Variants in PPARGC1A observed in about 807,000 individuals in gnomAD.
PPARGC1A encodes the protein peroxisome proliferator-activated receptor gamma coactivator 1-alpha.
PPARGC1A carries 25 observed loss-of-function variants against 88.7 expected under a neutral mutation model. The ratio of observed to expected loss-of-function variants is 0.28; its 90% CI spans 0.21 to 0.39. PPARGC1A has a LOEUF of 0.39. PPARGC1A is among the 10% of genes least tolerant of loss of function. The probability of loss-of-function intolerance (pLI) is 1.00; values close to 1 mark genes in which losing one functional copy is unlikely to be tolerated. For synonymous variants in PPARGC1A, 363 were observed against 355.6 expected (o/e 1.02, Z -0.24); for missense variants, 880 against 968.7 (o/e 0.91, Z 1.22).
the PPARGC1A span, among the ~76,000 whole-genome samples, chr4:24,450,742 C>T: frequency 6.6e-6 from 1 of 152,122 alleles, no homozygotes; most frequent in Admixed American, 6.5e-5. Context: ...GGGCCAGATG[C>T]CTACAGACAT....
chr4:24,182,800 A>G, the PPARGC1A span, among the ~76,000 whole-genome samples: 1 of 152,180 alleles, frequency 6.6e-6, no homozygotes, highest in Non-Finnish European at 1.5e-5. Flanking sequence ...AAATCTAGAA[A>G]CCAAGTCACC....
At chr4:24,195,551 A>C in the PPARGC1A span, among the ~76,000 whole-genome samples, 1 of 152,216 alleles carries the variant, frequency 6.6e-6, no homozygotes, top group Admixed American at 6.5e-5. Context: ...AAATACTCGG[A>C]CCAGATTTGC....
the PPARGC1A span, among the ~76,000 whole-genome samples, chr4:24,058,624 G>A: frequency 6.6e-6 from 1 of 152,156 alleles, no homozygotes; most frequent in Non-Finnish European, 1.5e-5. Flanking sequence ...AGTGAAAAAC[G>A]TGGCTGAGAG....
At chr4:23,812,904 C>A in intron 9 of PPARGC1A, 37 bp from the exon 10 acceptor site, 1 of 1,613,826 alleles carries the variant, frequency 6.2e-7, no homozygotes. Flanking sequence ...TCAACCACCT[C>A]AATTTTCATG....
the PPARGC1A span, among the ~76,000 whole-genome samples, chr4:24,152,085 A>G: frequency 6.6e-6 from 1 of 152,192 alleles, no homozygotes; most frequent in Admixed American, 6.5e-5. Context: ...AAATTCCCCC[A>G]TGGGATCTGG....
the PPARGC1A span, among the ~76,000 whole-genome samples, chr4:24,348,156 G>A: frequency 1.3e-5 from 2 of 152,200 alleles, no homozygotes; most frequent in Non-Finnish European, 2.9e-5. Flanking sequence ...TAGCTTGTAA[G>A]GTTTCTGCTG....
At chr4:24,329,007 A>G in the PPARGC1A span, among the ~76,000 whole-genome samples, 1 of 152,226 alleles carries the variant, frequency 6.6e-6, no homozygotes, top group South Asian at 2.1e-4. Flanking sequence ...AGAGCTTAGC[A>G]GGCACAGCTG....
the PPARGC1A span, among the ~76,000 whole-genome samples, chr4:24,083,518 C>T: frequency 6.6e-6 from 1 of 152,106 alleles, no homozygotes; most frequent in Admixed American, 6.6e-5. Flanking sequence ...ACTTTTATAC[C>T]ATCTTTGCCA....
At chr4:23,983,509 A>G in the PPARGC1A span, among the ~76,000 whole-genome samples, 1 of 152,158 alleles carries the variant, frequency 6.6e-6, no homozygotes, top group African/African-American at 2.4e-5. Context: ...AGTAAGAAAA[A>G]CAGCATCCAC....
chr4:24,463,802 C>T, the PPARGC1A span, among the ~76,000 whole-genome samples: 1 of 152,174 alleles, frequency 6.6e-6, no homozygotes, highest in African/African-American at 2.4e-5. Context: ...AAGTCAATTC[C>T]TGCTGAAATA....
the PPARGC1A span, among the ~76,000 whole-genome samples, chr4:24,164,143 T>C: frequency 6.6e-6 from 1 of 152,218 alleles, no homozygotes; most frequent in Non-Finnish European, 1.5e-5. Context: ...ATATTAGCTC[T>C]TAATTGAAAG....
rs1388378310 is a variant in PPARGC1A, at chr4:23,812,861, G to T, written c.1905C>A (p.Asp635Glu). Reference protein sequence around the residue: ...RSPYSRRPRYDSYEEYQHERL... With the variant: ...RSPYSRRPRYESYEEYQHERL... ...TCTCGTGCTGATATTCCTCGTAGCTGTCATACCTGGGAAACATAACTTTAT... is the reference window on the plus strand; with the variant it reads ...TCTCGTGCTGATATTCCTCGTAGCTTTCATACCTGGGAAACATAACTTTAT... Residue 635 changes from aspartate (D) to glutamate (E), a missense_variant, in exon 10 of 13, where the codon GAC becomes GAA. Coordinates refer to ENST00000264867, the MANE Select transcript of PPARGC1A (RefSeq NM_013261.5). 6.2e-7 allele frequency: 1 copy of T among 1,613,794 alleles called. No individual in the cohort carries two copies. Among genetic ancestry groups the T allele is most frequent in the Non-Finnish European group, 8.5e-7 (1 of 1,179,992 alleles).
At chr4:24,248,118 CTCTTTTT>C in the PPARGC1A span, among the ~76,000 whole-genome samples, 22 of 152,216 alleles carry the variant, frequency 1.4e-4, no homozygotes, top group African/African-American at 2.4e-4. Flanking sequence ...GTATTTCTTT[CTCTTTTT>C]TCTTTTTTCT....
At chr4:24,281,458 T>G in the PPARGC1A span, among the ~76,000 whole-genome samples, 4 of 152,078 alleles carry the variant, frequency 2.6e-5, no homozygotes, top group African/African-American at 9.7e-5. Flanking sequence ...AGGCTCTTTG[T>G]GACGACCAGT....
chr4:23,928,748 A>C, the PPARGC1A span, among the ~76,000 whole-genome samples: 1 of 79,614 alleles, frequency 1.3e-5, no homozygotes, highest in African/African-American at 4.6e-5. Flanking sequence ...GTACTTATCC[A>C]GCCACAAAAA....
the PPARGC1A span, among the ~76,000 whole-genome samples, chr4:24,029,495 A>T: frequency 1.3e-5 from 2 of 152,198 alleles, no homozygotes; most frequent in Non-Finnish European, 2.9e-5. Context: ...TTGCTATGTA[A>T]CTGGCTCTGT....
At chr4:24,458,494 C>G in the PPARGC1A span, among the ~76,000 whole-genome samples, 4 of 152,134 alleles carry the variant, frequency 2.6e-5, no homozygotes, top group East Asian at 7.7e-4. Flanking sequence ...GAGCGAGACC[C>G]TGTCTCAAAA....
chr4:24,024,532 T>G, the PPARGC1A span, among the ~76,000 whole-genome samples: 3 of 152,162 alleles, frequency 2.0e-5, no homozygotes, highest in East Asian at 5.8e-4. Context: ...CTCAACAGCC[T>G]TGTCATATTG....
At position 23,883,240 on chromosome 4, in the gene PPARGC1A, C is replaced by G. The variant is rs888138464; in HGVS notation, c.234+1512G>C. 3 of 152,330 alleles carry G rather than the reference C, an allele frequency of 2.0e-5. No individual in the cohort carries two copies. In the East Asian group the frequency reaches 5.8e-4, roughly 29 times the overall value. 9.4% of individuals were successfully genotyped at this position (152,330 alleles called of 1,614,324 possible). On this transcript the variant is annotated intron_variant, in intron 2 of 12. Transcript: ENST00000264867. The stretch of plus-strand genomic sequence containing the variant: ...TTGTTCTGTCTCCCCAGTCCAAACT[C>G]TACTACCTTAAGCATTCTTCTAAAA...
Sources: allele counts gnomAD v4.1 joint callset (sites outside exome capture counted in the v4.1 genomes callset), GRCh38; gene constraint gnomAD v4.1.1; transcripts MANE v1.5; gene names NCBI Gene and HGNC (gene_info 2026-07-23, HGNC 2026-07-21).